Variants in ARMC9 observed in about 807,000 individuals in gnomAD.
ARMC9 encodes lisH domain-containing protein ARMC9.
ARMC9 carries 94 observed loss-of-function variants against 107.0 expected under a neutral mutation model. The ratio of observed to expected loss-of-function variants is 0.88; its 90% confidence interval spans 0.74 to 1.04. The LOEUF is 1.04. ARMC9 is among the 50% of genes least tolerant of loss of function. ARMC9 has a pLI of 0.00. For synonymous variants in ARMC9, 380 were observed against 396.9 expected, an observed-to-expected ratio of 0.96 and a Z score of 0.51; for missense variants, 942 against 1,030.1, an observed-to-expected ratio of 0.91 and a Z score of 1.17.
At chr2:231,317,129 C>T (rs1055493315) in intron 19 of ARMC9, among the ~76,000 whole-genome samples, 3 of 151,658 alleles carry the variant, frequency 2.0e-5, no homozygotes, top group African/African-American at 2.4e-5. Flanking sequence ...CTATGATGTA[C>T]CTAGGTGTGG....
intron 9 of ARMC9, among the ~76,000 whole-genome samples, chr2:231,241,115 T>C (rs1183040488): frequency 6.6e-6 from 1 of 151,420 alleles, no homozygotes; most frequent in Non-Finnish European, 1.5e-5. Context: ...GGAGAATCGC[T>C]TGAACCCGGG....
chr2:231,333,532 A>G (rs995614261), intron 20 of ARMC9, among the ~76,000 whole-genome samples: 4 of 152,210 alleles, frequency 2.6e-5, no homozygotes, highest in African/African-American at 9.7e-5. Context: ...GTGCTCAGGA[A>G]AGGTCAGAAG....
At chr2:231,332,546 C>A (rs1390701970) in intron 20 of ARMC9, among the ~76,000 whole-genome samples, 2 of 152,136 alleles carry the variant, frequency 1.3e-5, no homozygotes, top group African/African-American at 2.4e-5. Context: ...TTAAGCTGAC[C>A]TGTGAGAGCT....
chr2:231,358,494 CCACTT>C lies in ARMC9; in HGVS notation c.2132-2258_2132-2254del, dbSNP rs1363063045. ...TGGGATTACAGGCATGGGGCCCCCT[CCACTT>C]CCCTTCTCTCACTCACCTTGCCCCA... On this transcript the variant is annotated intron_variant, in intron 22 of 24. Transcript: ENST00000611582. This position sits in a 1 kb window ranked among gnomAD's most constrained non-coding sequence, Gnocchi z 4.5. 6.6e-6 allele frequency among the ~76,000 whole-genome samples: 1 copy of C among 152,122 alleles called. No individual in the cohort carries two copies. Among genetic ancestry groups the C allele is most frequent in the Non-Finnish European group, 1.5e-5 (1 of 68,020 alleles).
chr2:231,311,532 G>A (rs1385488432), intron 19 of ARMC9, among the ~76,000 whole-genome samples: 2 of 151,910 alleles, frequency 1.3e-5, no homozygotes, highest in Non-Finnish European at 2.9e-5. Flanking sequence ...CACTTTGGGA[G>A]GCCAAGGCAG....
At chr2:231,219,892 A>G (rs987044628) in intron 5 of ARMC9, among the ~76,000 whole-genome samples, 4 of 152,088 alleles carry the variant, frequency 2.6e-5, no homozygotes, top group South Asian at 2.1e-4. Context: ...GCTGGAGTGC[A>G]TGATTATAGC....
At chr2:231,219,342 C>G (rs1249351346) in intron 5 of ARMC9, among the ~76,000 whole-genome samples, 1 of 152,158 alleles carries the variant, frequency 6.6e-6, no homozygotes, top group East Asian at 1.9e-4. Flanking sequence ...TTAAAACCCC[C>G]TTTCCTTGAA....
At chr2:231,267,933 A>C (rs1039620773) in intron 12 of ARMC9, among the ~76,000 whole-genome samples, 2 of 152,212 alleles carry the variant, frequency 1.3e-5, no homozygotes, top group Non-Finnish European at 2.9e-5. Flanking sequence ...TCATAGCTGC[A>C]GTTCTAGAAC....
chr2:231,212,011 A>C (rs1477470), intron 3 of ARMC9, among the ~76,000 whole-genome samples: 41,475 of 152,018 alleles, frequency 0.27, 5,853 homozygotes, highest in African/African-American at 0.32. Context: ...TGGGGAAAAA[A>C]TTTAGAAAGA....
chr2:231,310,711 C>T (rs2042298058), intron 19 of ARMC9, among the ~76,000 whole-genome samples: 1 of 151,660 alleles, frequency 6.6e-6, no homozygotes, highest in Non-Finnish European at 1.5e-5. Flanking sequence ...TGCACTCCAG[C>T]CTGGGCAACG....
Position 231,308,618 on chromosome 2 carries a change from A to C in ARMC9, c.1773+12365A>C, listed in dbSNP as rs956399404. ...AAGAGCAGATCATGTGTAGGGCGAAACTAGATTTTGCACGTGTCAGGAGGC... is the reference window on the plus strand; with the variant it reads ...AAGAGCAGATCATGTGTAGGGCGAACCTAGATTTTGCACGTGTCAGGAGGC... On this transcript the variant is annotated intron_variant, in intron 19 of 24. Coordinates refer to ENST00000611582, the MANE Select transcript of ARMC9 (RefSeq NM_001352754.2). Among the ~76,000 whole-genome samples, 6 of 152,180 alleles carry C rather than the reference A, an allele frequency of 3.9e-5. No individual in the cohort carries two copies. The South Asian group carries it at 6.2e-4, about 16-fold the overall frequency.
intron 19 of ARMC9, among the ~76,000 whole-genome samples, chr2:231,310,077 C>G (rs1395448946): frequency 6.6e-6 from 1 of 152,186 alleles, no homozygotes; most frequent in Non-Finnish European, 1.5e-5. Context: ...ACATAACTAA[C>G]TGATAGTCAT....
chr2:231,251,734 AT>A (rs974287537), intron 9 of ARMC9, among the ~76,000 whole-genome samples: 2 of 150,478 alleles, frequency 1.3e-5, no homozygotes, highest in African/African-American at 2.4e-5. Context: ...TTATTTTATT[AT>A]TTTTTTTTGA....
intron 19 of ARMC9, 145 bp downstream of exon 19, chr2:231,296,398 C>T (rs2041368574): frequency 1.3e-6 from 1 of 764,474 alleles, no homozygotes; most frequent in Non-Finnish European, 2.1e-6. Context: ...TAAAGCTCAG[C>T]TGGGTGGTGG....
intron 17 of ARMC9, among the ~76,000 whole-genome samples, chr2:231,289,681 A>G (rs766515481): frequency 2.0e-5 from 3 of 152,180 alleles, no homozygotes; most frequent in Non-Finnish European, 4.4e-5. Context: ...AAGCCTGGCC[A>G]GGTGTCCAAC....
At chr2:231,289,354 C>A (rs1461739869) in intron 17 of ARMC9, among the ~76,000 whole-genome samples, 1 of 152,114 alleles carries the variant, frequency 6.6e-6, no homozygotes, top group Non-Finnish European at 1.5e-5. Flanking sequence ...GTAGTCCCAG[C>A]TACTTGGGAG....
chr2:231,291,450 T>C lies in ARMC9; in HGVS notation c.1717+7T>C, dbSNP rs746585531. On this transcript the variant is annotated splice_region_variant and intron_variant, in intron 18 of 24. Coordinates refer to ENST00000611582, the MANE Select transcript of ARMC9 (RefSeq NM_001352754.2). Reference sequence around the variant, plus strand: ...ATCAAGCAGCTAAATTCCGGTCAGTTTGATGCAAGAATCTTTGATCTATCT... The same window carrying C: ...ATCAAGCAGCTAAATTCCGGTCAGTCTGATGCAAGAATCTTTGATCTATCT... 6.2e-7 allele frequency: 1 copy of C among 1,609,940 alleles called. No homozygotes were observed. The highest frequency in any genetic ancestry group is 1.1e-5 in the South Asian group (1 of 91,006).
chr2:231,213,895 C>T (rs1284503486), intron 3 of ARMC9, among the ~76,000 whole-genome samples: 2 of 152,110 alleles, frequency 1.3e-5, no homozygotes, highest in Non-Finnish European at 2.9e-5. Context: ...TGCAGTTGAG[C>T]GTAAAATGTA....
rs531567659 is a variant in ARMC9 at position 231,303,900 on chromosome 2, C to T, written c.1773+7647C>T. Among the ~76,000 whole-genome samples, 7 of 152,260 alleles carry T rather than the reference C, an allele frequency of 4.6e-5. No individual in the cohort carries two copies. In the South Asian group the frequency reaches 1.2e-3, roughly 27 times the overall value. On this transcript the variant is annotated intron_variant, in intron 19 of 24. Transcript: ENST00000611582. ...GCAGTGAGCCGAGATTGCGCTACTGCACTCCAGACTGGGCAACAGAGCGAG... is the reference window on the plus strand; with the variant it reads ...GCAGTGAGCCGAGATTGCGCTACTGTACTCCAGACTGGGCAACAGAGCGAG...
Sources: allele counts gnomAD v4.1 joint callset (sites outside exome capture counted in the v4.1 genomes callset), GRCh38; gene constraint gnomAD v4.1.1; non-coding constraint Gnocchi (gnomAD v3.1); transcripts MANE v1.5; gene names NCBI Gene and HGNC (gene_info 2026-07-23, HGNC 2026-07-21).